Variants in CCDC171 observed in about 807,000 individuals in gnomAD.
CCDC171 encodes the protein coiled-coil domain containing 171, also known as coiled-coil domain-containing protein 171.
In CCDC171, 177 loss-of-function variants were observed where a neutral mutation model predicts 168.2. That is an observed-to-expected ratio of 1.05 (90% CI 0.93 to 1.19). CCDC171 has a LOEUF of 1.19. Among genes scored for constraint, CCDC171 ranks in the 50% most tolerant of loss-of-function variants. CCDC171 has a pLI of 0.00. For missense variants in CCDC171, 1,991 were observed against 1,539.0 expected, an observed-to-expected ratio of 1.29 and a Z score of -4.91; for synonymous variants, 687 against 540.8, an observed-to-expected ratio of 1.27 and a Z score of -3.75.
chr9:15,569,984 T>G (rs562897235), intron 2 of CCDC171, among the ~76,000 whole-genome samples: 1 of 152,098 alleles, frequency 6.6e-6, no homozygotes, highest in South Asian at 2.1e-4. Flanking sequence ...CTTTTCTTTT[T>G]TTTGAGATGG....
At chr9:15,641,460 C>T (rs371902053) in intron 7 of CCDC171, among the ~76,000 whole-genome samples, 106 of 152,142 alleles carry the variant, frequency 7.0e-4, no homozygotes, top group African/African-American at 2.4e-3. Context: ...TCATTGTACA[C>T]ATATGTTTTC....
In CCDC171 at chr9:16,027,491, C is replaced by A. The variant is rs1400312172; in HGVS notation, n.998+4583C>A. On this transcript the variant is annotated intron_variant and non_coding_transcript_variant, in intron 6 of 9. Coordinates refer to the CCDC171 transcript ENST00000486641. Reference sequence around the variant, plus strand: ...TTTAATATTTTATATTCACCTGATGCAAACTTTTCTCCCCAAAATCAAAGT... The same window carrying A: ...TTTAATATTTTATATTCACCTGATGAAAACTTTTCTCCCCAAAATCAAAGT... Among the ~76,000 whole-genome samples the A allele has an allele frequency of 8.5e-5, 13 of 152,172 alleles. 1 individual carries two copies.
chr9:15,755,461 C>A (rs950899085), intron 18 of CCDC171, among the ~76,000 whole-genome samples: 10 of 152,146 alleles, frequency 6.6e-5, no homozygotes, highest in African/African-American at 2.4e-4. Flanking sequence ...AACATACATT[C>A]ATACAAACAC....
At chr9:15,847,411 C>G (rs1563862159) in intron 22 of CCDC171, among the ~76,000 whole-genome samples, 1 of 151,980 alleles carries the variant, frequency 6.6e-6, no homozygotes, top group Non-Finnish European at 1.5e-5. Context: ...GAGTAGACCA[C>G]TATGTAAATG....
chr9:15,899,331 T>G (rs918553565), intron 24 of CCDC171, among the ~76,000 whole-genome samples: 1 of 146,676 alleles, frequency 6.8e-6, no homozygotes, highest in African/African-American at 2.5e-5. Context: ...GGCACAAGTT[T>G]TCATTTTTCT....
intron 24 of CCDC171, among the ~76,000 whole-genome samples, chr9:15,891,201 T>G (rs980762350): frequency 6.6e-6 from 1 of 152,132 alleles, no homozygotes; most frequent in Non-Finnish European, 1.5e-5. Context: ...AGAGGAAAGA[T>G]AAGGCAGTCA....
intron 2 of CCDC171, among the ~76,000 whole-genome samples, chr9:15,569,818 A>AAAAAACG (rs2040060669): frequency 9.3e-6 from 1 of 107,928 alleles, no homozygotes; most frequent in East Asian, 4.2e-4. Flanking sequence ...CCGTCTCAAA[A>AAAAAACG]AAAAACAAAA....
At chr9:16,019,987 C>G (rs752585784) in intron 3 of CCDC171, among the ~76,000 whole-genome samples, 13 of 152,070 alleles carry the variant, frequency 8.5e-5, no homozygotes, top group African/African-American at 3.1e-4. Flanking sequence ...TATAATAGTT[C>G]CCCTTTATCT....
chr9:15,967,113 T>C (rs1234585940), intron 25 of CCDC171, among the ~76,000 whole-genome samples: 1 of 152,108 alleles, frequency 6.6e-6, no homozygotes, highest in African/African-American at 2.4e-5. Flanking sequence ...ACTGGAAAAT[T>C]GACAGGTAGA....
At chr9:15,932,225 A>G (rs1589162166) in intron 25 of CCDC171, among the ~76,000 whole-genome samples, 1 of 151,890 alleles carries the variant, frequency 6.6e-6, no homozygotes, top group Admixed American at 6.6e-5. Flanking sequence ...AACAATATTA[A>G]TTCTTCCAAT....
rs143459932 is a variant in CCDC171, at chr9:15,566,347, C to T, written c.41+2218C>T. Among the ~76,000 whole-genome samples, 72 of 152,120 alleles carry T rather than the reference C, an allele frequency of 4.7e-4. 1 individual carries two copies. In the East Asian group the frequency reaches 0.013, roughly 28 times the overall value. On this transcript the variant is annotated intron_variant, in intron 2 of 25. Coordinates refer to ENST00000380701, the MANE Select transcript of CCDC171 (RefSeq NM_173550.4). ...CTGAGGTGGGTGGATTGCTTGAGCC[C>T]AGGAGTTCGAGACCAGCCTGGCCAA...
intron 3 of CCDC171, among the ~76,000 whole-genome samples, chr9:15,999,432 G>A (rs1832473799): frequency 7.0e-6 from 1 of 142,658 alleles, no homozygotes; most frequent in South Asian, 2.5e-4. Flanking sequence ...GGGAGGGAGG[G>A]AGAGAGGTGA....
intron 3 of CCDC171, among the ~76,000 whole-genome samples, chr9:15,991,822 A>C (rs1832210321): frequency 6.6e-6 from 1 of 152,206 alleles, no homozygotes; most frequent in Non-Finnish European, 1.5e-5. Context: ...TAAACTAGAA[A>C]ATCTAGAAGA....
At chr9:15,916,354 A>C (rs1005696883) in intron 24 of CCDC171, among the ~76,000 whole-genome samples, 5 of 151,964 alleles carry the variant, frequency 3.3e-5, no homozygotes, top group Admixed American at 2.6e-4. Context: ...TTTTGTGAGA[A>C]TGTATTACAT....
chr9:15,858,628 C>CGAAA (rs796938894), intron 23 of CCDC171, among the ~76,000 whole-genome samples: 1 of 152,042 alleles, frequency 6.6e-6, no homozygotes, highest in South Asian at 2.1e-4. Flanking sequence ...AAGTCTTTCA[C>CGAAA]CTCTGTTAAT....
chr9:15,781,509 C>T (rs1202328642), intron 20 of CCDC171, among the ~76,000 whole-genome samples: 1 of 152,124 alleles, frequency 6.6e-6, no homozygotes, highest in Non-Finnish European at 1.5e-5. Context: ...CCTCCACCTC[C>T]CAGGTTCAAG....
At chr9:15,898,948 C>T (rs777821420) in intron 24 of CCDC171, among the ~76,000 whole-genome samples, 3 of 152,108 alleles carry the variant, frequency 2.0e-5, no homozygotes, top group Non-Finnish European at 4.4e-5. Context: ...TCTCAAGTAA[C>T]CAGTTTATGG....
chr9:15,666,692 G>T (rs1450600754), intron 9 of CCDC171, among the ~76,000 whole-genome samples: 1 of 152,142 alleles, frequency 6.6e-6, no homozygotes, highest in East Asian at 1.9e-4. Context: ...AAGTATAGTG[G>T]TGTGCACCTG....
intron 21 of CCDC171, among the ~76,000 whole-genome samples, chr9:15,824,058 G>A (rs1056254586): frequency 6.6e-6 from 1 of 152,002 alleles, no homozygotes; most frequent in African/African-American, 2.4e-5. Flanking sequence ...AGGCTACACA[G>A]TGGAGAAAAT....
Sources: gnomAD v4.1 joint callset for allele counts (sites outside exome capture counted in the v4.1 genomes callset) on GRCh38, gnomAD v4.1.1 for gene constraint, MANE v1.5 for transcripts, NCBI Gene and HGNC (gene_info 2026-07-23, HGNC 2026-07-21) for gene names.